PRKN: variants seen among roughly 807,000 people sequenced by gnomAD.
The protein encoded by PRKN is parkin RBR E3 ubiquitin protein ligase, also known as E3 ubiquitin-protein ligase parkin.
A neutral mutation model predicts 59.5 loss-of-function variants in PRKN; 56 were observed. The ratio of observed to expected loss-of-function variants is 0.94; its 90% CI spans 0.76 to 1.18. The LOEUF (loss-of-function observed/expected upper bound fraction) is 1.18. PRKN is among the 50% of genes most tolerant of loss of function. The pLI is 0.00. For synonymous variants in PRKN, 250 were observed against 222.1 expected, an observed-to-expected ratio of 1.13 and a Z score of -1.12; for missense variants, 657 against 596.4, an observed-to-expected ratio of 1.10 and a Z score of -1.06.
chr6:162,727,725 C>G lies in PRKN; in HGVS notation c.-57G>C, dbSNP rs750626864. 3.4e-5 allele frequency: 52 copies of G among 1,535,420 alleles called. No individual in the cohort carries two copies. The highest frequency in any genetic ancestry group is 3.4e-4 in the Middle Eastern group (2 of 5,950). ...GAACAGGCCCATGCGCGCAGCGGCGCCAGCCGCGCCTCCCACCAGCGGCTC... is the reference window on the plus strand; with the variant it reads ...GAACAGGCCCATGCGCGCAGCGGCGGCAGCCGCGCCTCCCACCAGCGGCTC... On this transcript the variant is annotated 5_prime_UTR_variant, in exon 1 of 12. Transcript: ENST00000366898.
intron 1 of PRKN, among the ~76,000 whole-genome samples, chr6:162,706,132 T>TAA (rs766578797): frequency 7.5e-5 from 8 of 106,546 alleles, no homozygotes; most frequent in African/African-American, 2.4e-4. Flanking sequence ...ACCTGAAGGT[T>TAA]AAAAAAAAAA....
rs966884010 is a variant in PRKN, at chr6:161,396,582, C to T, written c.1084-9705G>A. On this transcript the variant is annotated intron_variant, in intron 9 of 11. Coordinates refer to ENST00000366898, the MANE Select transcript of PRKN (RefSeq NM_004562.3). This position sits in a 1 kb window ranked among gnomAD's most constrained non-coding sequence, Gnocchi z 5.4. ...TGAATATGGCCATTCATTAGTAAAA[C>T]GCACAGCATATGTCTTCTATAATTT... Among the ~76,000 whole-genome samples the T allele has an allele frequency of 8.5e-5, 13 of 152,164 alleles. No homozygotes were observed. The highest frequency in any genetic ancestry group is 1.3e-4 in the Non-Finnish European group (9 of 68,046).
chr6:162,038,968 C>A (rs532075310), intron 5 of PRKN, among the ~76,000 whole-genome samples: 1 of 152,142 alleles, frequency 6.6e-6, no homozygotes, highest in East Asian at 1.9e-4. Flanking sequence ...TCCTGGCTAA[C>A]AGTGTGAAAC....
At chr6:161,821,053 C>T (rs1324276244) in intron 6 of PRKN, among the ~76,000 whole-genome samples, 1 of 151,914 alleles carries the variant, frequency 6.6e-6, no homozygotes, top group Non-Finnish European at 1.5e-5. Context: ...AAAAAGCCCA[C>T]CATATGGTTC....
At chr6:162,374,835 G>A (rs1461015359) in intron 2 of PRKN, among the ~76,000 whole-genome samples, 2 of 152,000 alleles carry the variant, frequency 1.3e-5, no homozygotes, top group Non-Finnish European at 2.9e-5. Flanking sequence ...TTGAAATATG[G>A]TTTCTGGTCA....
At chr6:162,337,595 A>G (rs1037456733) in intron 2 of PRKN, among the ~76,000 whole-genome samples, 2 of 152,202 alleles carry the variant, frequency 1.3e-5, no homozygotes, top group African/African-American at 2.4e-5. Context: ...CCTGGTCAAC[A>G]TGGAAAATAT....
intron 2 of PRKN, among the ~76,000 whole-genome samples, chr6:162,314,098 C>T (rs2128119066): frequency 6.6e-6 from 1 of 152,266 alleles, no homozygotes; most frequent in Non-Finnish European, 1.5e-5. Flanking sequence ...GTAGCGCTTG[C>T]TCTCTGAGGT....
chr6:161,827,314 A>G (rs752134942), intron 6 of PRKN, among the ~76,000 whole-genome samples: 1 of 152,114 alleles, frequency 6.6e-6, no homozygotes, highest in Non-Finnish European at 1.5e-5. Flanking sequence ...AGATTTCCCA[A>G]TGGGTTTGAG....
chr6:161,801,216 C>T (rs569251008), intron 6 of PRKN, among the ~76,000 whole-genome samples: 6 of 152,322 alleles, frequency 3.9e-5, no homozygotes, highest in South Asian at 2.1e-4. Context: ...TGCCAGGGCC[C>T]GGCCTCTGCG....
At chr6:161,638,940 C>A (rs985850873) in intron 7 of PRKN, among the ~76,000 whole-genome samples, 3 of 151,838 alleles carry the variant, frequency 2.0e-5, no homozygotes, top group African/African-American at 7.3e-5. Flanking sequence ...CGGGGTTTCA[C>A]CATGTTGGCT....
chr6:161,922,266 A>G (rs1357458969), intron 6 of PRKN, among the ~76,000 whole-genome samples: 1 of 152,076 alleles, frequency 6.6e-6, no homozygotes, highest in Non-Finnish European at 1.5e-5. Flanking sequence ...GTCTTTTAAA[A>G]TTCCTATTAC....
chr6:161,746,285 G>A (rs1013121720), intron 7 of PRKN, among the ~76,000 whole-genome samples: 1 of 152,060 alleles, frequency 6.6e-6, no homozygotes, highest in East Asian at 1.9e-4. Flanking sequence ...TGTTCTTCAA[G>A]ATGGAACTGA....
At chr6:161,602,487 T>C (rs1196540587) in intron 7 of PRKN, among the ~76,000 whole-genome samples, 1 of 152,190 alleles carries the variant, frequency 6.6e-6, no homozygotes, top group East Asian at 1.9e-4. Context: ...GTTTGTTGCA[T>C]AGGGCCTGTT....
At chr6:162,213,511 A>G (rs996015723) in intron 3 of PRKN, among the ~76,000 whole-genome samples, 7 of 152,112 alleles carry the variant, frequency 4.6e-5, no homozygotes, top group Non-Finnish European at 1.0e-4. Context: ...GTTGAGCTTG[A>G]GCTCAGGAGT....
chr6:161,884,292 C>A (rs989473698), intron 6 of PRKN, among the ~76,000 whole-genome samples: 1 of 152,134 alleles, frequency 6.6e-6, no homozygotes, highest in African/African-American at 2.4e-5. Flanking sequence ...TCAACTAATT[C>A]AACCATTTAA....
intron 2 of PRKN, among the ~76,000 whole-genome samples, chr6:162,292,105 A>C (rs1297856569): frequency 6.6e-6 from 1 of 151,798 alleles, no homozygotes; most frequent in African/African-American, 2.4e-5. Context: ...CTGGGACTAC[A>C]GTTGCCTGCC....
chr6:161,963,186 C>G (rs952729007), intron 6 of PRKN, among the ~76,000 whole-genome samples: 36 of 151,630 alleles, frequency 2.4e-4, no homozygotes, highest in African/African-American at 8.5e-4. Context: ...ACAAAAAACA[C>G]CCACCAACAG....
At position 162,578,810 on chromosome 6, in the gene PRKN, C is replaced by G. The variant is rs138868713; in HGVS notation, c.8-135337G>C. Reference sequence around the variant, plus strand: ...CATCAAAATGCAAAATTTCTAAGAGCTATTTTATCTTCAAAAAAATCCCAT... The same window carrying G: ...CATCAAAATGCAAAATTTCTAAGAGGTATTTTATCTTCAAAAAAATCCCAT... On this transcript the variant is annotated intron_variant, in intron 1 of 11. Coordinates refer to ENST00000366898, the MANE Select transcript of PRKN (RefSeq NM_004562.3). 3.1e-3 allele frequency among the ~76,000 whole-genome samples: 470 copies of G among 152,214 alleles called. 4 individuals are homozygous for G. Among genetic ancestry groups the G allele is most frequent in the African/African-American group, 0.011 (441 of 41,530 alleles).
intron 6 of PRKN, among the ~76,000 whole-genome samples, chr6:161,972,756 G>GAA (rs1463441865): frequency 1.3e-5 from 2 of 152,150 alleles, no homozygotes; most frequent in East Asian, 3.9e-4. Context: ...TCCTGGCCGG[G>GAA]TGCAGTGGCT....
Sources: allele counts gnomAD v4.1 joint callset (sites outside exome capture counted in the v4.1 genomes callset), GRCh38; gene constraint gnomAD v4.1.1; non-coding constraint Gnocchi (gnomAD v3.1); transcripts MANE v1.5; gene names NCBI Gene and HGNC (gene_info 2026-07-23, HGNC 2026-07-21).